RALGAPA1: variants seen among roughly 807,000 people sequenced by gnomAD.
RALGAPA1 encodes the protein Ral GTPase activating protein catalytic subunit alpha 1.
In RALGAPA1, 52 loss-of-function variants were observed where a neutral mutation model predicts 269.6. That is an observed-to-expected ratio of 0.19 (90% CI 0.15 to 0.24). The LOEUF is 0.24. Ranked by LOEUF, RALGAPA1 falls within the 10% of genes least tolerant of loss-of-function variation. RALGAPA1 has a pLI of 1.00. For synonymous variants in RALGAPA1, 817 were observed against 1,008.3 expected, an observed-to-expected ratio of 0.81 and a Z score of 3.60; for missense variants, 1,917 against 3,013.9, an observed-to-expected ratio of 0.64 and a Z score of 8.52.
At chr14:35,606,391 T>G (rs1195419990) in intron 35 of RALGAPA1, among the ~76,000 whole-genome samples, 1 of 152,158 alleles carries the variant, frequency 6.6e-6, no homozygotes. Context: ...TGACATACTG[T>G]TAAGTATGTG....
intron 16 of RALGAPA1, among the ~76,000 whole-genome samples, chr14:35,704,988 A>C (rs1473114392): frequency 6.6e-6 from 1 of 152,188 alleles, no homozygotes; most frequent in Non-Finnish European, 1.5e-5. Context: ...TATTCCAAAA[A>C]ATACATTTTT....
chr14:35,758,733 T>G (rs146485106), intron 6 of RALGAPA1, among the ~76,000 whole-genome samples: 1 of 152,154 alleles, frequency 6.6e-6, no homozygotes, highest in South Asian at 2.1e-4. Context: ...CTGGGCAACA[T>G]AGCTTTGAGA....
At chr14:35,569,432 A>G (rs1398059868) in intron 39 of RALGAPA1, among the ~76,000 whole-genome samples, 1 of 152,190 alleles carries the variant, frequency 6.6e-6, no homozygotes, top group Non-Finnish European at 1.5e-5. Context: ...CTTTACACAT[A>G]TTGACTCATT....
intron 1 of RALGAPA1, among the ~76,000 whole-genome samples, chr14:35,795,208 G>A (rs187359213): frequency 2.3e-4 from 35 of 152,232 alleles, no homozygotes; most frequent in Admixed American, 1.5e-3. Context: ...CTTCTAAGTC[G>A]TAGTGAGGAG....
At chr14:35,581,802 G>A (rs2057969386) in intron 37 of RALGAPA1, among the ~76,000 whole-genome samples, 1 of 152,114 alleles carries the variant, frequency 6.6e-6, no homozygotes, top group Non-Finnish European at 1.5e-5. Context: ...AAATGATGCA[G>A]CTGCTGTAGA....
chr14:35,738,474 G>A, intron 12 of RALGAPA1, 39 bp downstream of exon 12: 2 of 1,463,846 alleles, frequency 1.4e-6, no homozygotes, highest in Non-Finnish European at 1.8e-6. Context: ...AATATTTAAT[G>A]ATTATTTTAT....
At position 35,627,253 on chromosome 14, in the gene RALGAPA1, G is replaced by C; in HGVS notation, c.6694C>G (p.Leu2232Val). ...KQENDVINAI[L>V]KQHTEEKEFV... ...TCTTTTTCTTCTGTATGTTGCTTAA[G>C]GATAGCATTAATAACATCATTTTCT... The change falls in exon 34 of 42, where the codon CTT (leucine) becomes GTT (valine). Residue 2232 changes from leucine (L) to valine (V), a missense_variant. By Grantham distance (32) the Leu-to-Val change is conservative. Around this residue, in one of 11 missense-constraint regions of RALGAPA1, gnomAD observed 132 missense variants for 271.2 expected, o/e 0.49. Transcript: ENST00000680220. The C allele has an allele frequency of 6.2e-7, 1 of 1,608,556 alleles. No individual in the cohort carries two copies. Among genetic ancestry groups the C allele is most frequent in the Non-Finnish European group, 8.5e-7 (1 of 1,178,824 alleles).
chr14:35,680,384 T>A (rs1014420685), intron 21 of RALGAPA1, among the ~76,000 whole-genome samples: 3 of 151,478 alleles, frequency 2.0e-5, no homozygotes, highest in African/African-American at 7.3e-5. Flanking sequence ...ATTTTTTGTA[T>A]CTTTAGTAGA....
At chr14:35,640,979 C>G (rs2061990708) in intron 31 of RALGAPA1, among the ~76,000 whole-genome samples, 1 of 152,042 alleles carries the variant, frequency 6.6e-6, no homozygotes, top group South Asian at 2.1e-4. Context: ...AGGACAAAAA[C>G]CTTTGTGATA....
chr14:35,552,606 A>C (rs2055130060), intron 39 of RALGAPA1, among the ~76,000 whole-genome samples: 1 of 152,160 alleles, frequency 6.6e-6, no homozygotes, highest in South Asian at 2.1e-4. Flanking sequence ...AAGTTGAAGT[A>C]AGCAGATTTT....
intron 31 of RALGAPA1, among the ~76,000 whole-genome samples, chr14:35,640,281 T>A (rs1438320885): frequency 6.6e-6 from 1 of 151,124 alleles, no homozygotes; most frequent in Non-Finnish European, 1.5e-5. Flanking sequence ...AAAAGATCAA[T>A]GAAATGAAAA....
Position 35,775,048 on chromosome 14 carries a change from C to T in RALGAPA1, c.225G>A (p.Lys75=), listed in dbSNP as rs761793132. 6.5e-7 allele frequency: 1 copy of T among 1,541,972 alleles called. No homozygotes were observed. The highest frequency in any genetic ancestry group is 8.9e-7 in the Non-Finnish European group (1 of 1,122,456). ...TAGCATCCAATTCCTCTCTTTGAGA[C>T]TTGTGACCTAAAACATTTTTATAAG... is the stretch of plus-strand genomic sequence containing the variant. ...IEASLKQKGH[K]SQREELDAIL... is the part of the protein sequence containing the mutation. Residue 75 remains lysine, a synonymous_variant, in exon 3 of 42, where the codon AAG becomes AAA. Transcript: ENST00000680220.
chr14:35,679,174 C>T (rs1265946134), intron 21 of RALGAPA1, among the ~76,000 whole-genome samples: 4 of 152,180 alleles, frequency 2.6e-5, no homozygotes, highest in Non-Finnish European at 4.4e-5. Context: ...AATATAGTGC[C>T]GCTACTACCA....
At chr14:35,655,773 A>T in intron 29 of RALGAPA1, 34 bp downstream of exon 29, 1 of 1,603,456 alleles carries the variant, frequency 6.2e-7, no homozygotes, top group Non-Finnish European at 8.5e-7. Context: ...ATTCTCTCCT[A>T]TCTTAATATA....
chr14:35,760,106 A>G (rs1311870624), intron 6 of RALGAPA1, among the ~76,000 whole-genome samples: 1 of 152,138 alleles, frequency 6.6e-6, no homozygotes, highest in Non-Finnish European at 1.5e-5. Flanking sequence ...AATAAAACAC[A>G]CTTGTACTTC....
At position 35,664,716 on chromosome 14, in the gene RALGAPA1, T is replaced by A. The variant is rs2063795258; in HGVS notation, c.5254A>T (p.Asn1752Tyr). 8.1e-6 allele frequency: 13 copies of A among 1,612,904 alleles called. No individual in the cohort carries two copies. The highest frequency in any genetic ancestry group is 1.1e-5 in the Non-Finnish European group (13 of 1,179,546). The stretch of plus-strand genomic sequence containing the variant: ...AGAGAAGGCAGTTCACAATATAAGT[T>A]GGGAAAGCAAACCAAAGATCCCAGA... Reference protein sequence around the residue: ...VLLGSLVCFPNLYCELPSLHP... With the variant: ...VLLGSLVCFPYLYCELPSLHP... The change falls in exon 27 of 42, where the codon AAC becomes TAC. Residue 1752 changes from asparagine to tyrosine, a missense_variant. Asn to Tyr is a moderately radical substitution (Grantham distance 143). Coordinates refer to ENST00000680220, the MANE Select transcript of RALGAPA1 (RefSeq NM_001346249.2).
chr14:35,677,945 A>G lies in RALGAPA1; in HGVS notation c.4624+5T>C. ...AAAGGTAAATATCTAATTTTGAAAT[A>G]TTGCCTAGATCATCTGGTGTCTGAA... On this transcript the variant is annotated splice_donor_5th_base_variant and intron_variant, in intron 22 of 41. Transcript: ENST00000680220. 6.2e-7 allele frequency: 1 copy of G among 1,612,462 alleles called. No individual in the cohort carries two copies. The highest frequency in any genetic ancestry group is 1.3e-5 in the African/African-American group (1 of 74,982).
At chr14:35,586,720 T>A (rs1470456202) in intron 37 of RALGAPA1, among the ~76,000 whole-genome samples, 1 of 152,214 alleles carries the variant, frequency 6.6e-6, no homozygotes, top group East Asian at 1.9e-4. Context: ...TGGATAATCA[T>A]GTGGTTTTTG....
intron 37 of RALGAPA1, among the ~76,000 whole-genome samples, chr14:35,579,541 G>C (rs953291577): frequency 6.7e-6 from 1 of 149,840 alleles, no homozygotes; most frequent in Non-Finnish European, 1.5e-5. Flanking sequence ...CCAGGAGGTG[G>C]AGGTTGCAGT....
Sources: allele counts gnomAD v4.1 joint callset (sites outside exome capture counted in the v4.1 genomes callset), GRCh38; gene constraint gnomAD v4.1.1; regional missense constraint gnomAD v4.1.1; transcripts MANE v1.5; gene names NCBI Gene and HGNC (gene_info 2026-07-23, HGNC 2026-07-21).